Variants in TMEM163 observed in about 807,000 individuals in gnomAD.
TMEM163 encodes transmembrane protein 163.
TMEM163 carries 17 observed loss-of-function variants against 29.3 expected under a neutral mutation model. The ratio of observed to expected loss-of-function variants is 0.58; its 90% CI spans 0.40 to 0.87. TMEM163 has a LOEUF of 0.87. Among genes scored for constraint, TMEM163 ranks in the 40% least tolerant of loss-of-function variants. The probability of loss-of-function intolerance (pLI) is 0.00; values close to 1 mark genes in which losing one functional copy is unlikely to be tolerated. For missense variants in TMEM163, 303 were observed against 381.5 expected (o/e 0.79, Z 1.71); for synonymous variants, 157 against 160.6 (o/e 0.98, Z 0.17).
chr2:134,718,125 G>A (rs1220416133), intron 1 of TMEM163, among the ~76,000 whole-genome samples: 1 of 152,270 alleles, frequency 6.6e-6, no homozygotes, highest in Non-Finnish European at 1.5e-5. Context: ...GCCCCATCAT[G>A]AGACGACGGG....
At chr2:134,528,343 C>T (rs531062660) in intron 4 of TMEM163, among the ~76,000 whole-genome samples, 3 of 152,176 alleles carry the variant, frequency 2.0e-5, no homozygotes, top group Non-Finnish European at 2.9e-5. Context: ...ACATTTTGTT[C>T]AGCTCACCTA....
chr2:134,594,049 G>A (rs1682002368), intron 2 of TMEM163, among the ~76,000 whole-genome samples: 1 of 151,914 alleles, frequency 6.6e-6, no homozygotes, highest in African/African-American at 2.4e-5. Context: ...GAAGAGACAA[G>A]AAACAAAAAG....
intron 2 of TMEM163, among the ~76,000 whole-genome samples, chr2:134,681,200 C>T (rs553548575): frequency 1.3e-5 from 2 of 152,316 alleles, no homozygotes; most frequent in East Asian, 1.9e-4. Context: ...AGCAGTGCAC[C>T]CCACTGCAAA....
chr2:134,659,777 C>G (rs1011807412), intron 2 of TMEM163, among the ~76,000 whole-genome samples: 5 of 152,020 alleles, frequency 3.3e-5, no homozygotes, highest in South Asian at 2.1e-4. Flanking sequence ...AACCCCATCT[C>G]TACGAAAAAT....
intron 2 of TMEM163, among the ~76,000 whole-genome samples, chr2:134,610,507 G>C (rs1343651516): frequency 6.6e-6 from 1 of 152,190 alleles, no homozygotes; most frequent in African/African-American, 2.4e-5. Flanking sequence ...ATTCCCAAGT[G>C]ATGCTGCTGC....
At chr2:134,510,143 A>T (rs1322781139) in intron 4 of TMEM163, among the ~76,000 whole-genome samples, 2 of 152,194 alleles carry the variant, frequency 1.3e-5, no homozygotes, top group South Asian at 4.1e-4. Context: ...ACAGACCAAA[A>T]CCTGTTGTAT....
At chr2:134,538,370 C>A (rs931913373) in intron 4 of TMEM163, among the ~76,000 whole-genome samples, 2 of 152,328 alleles carry the variant, frequency 1.3e-5, no homozygotes, top group African/African-American at 4.8e-5. Flanking sequence ...GAGATATAAA[C>A]GTCTGTTGTT....
chr2:134,595,814 G>C (rs1461994404), intron 2 of TMEM163, among the ~76,000 whole-genome samples: 2 of 152,192 alleles, frequency 1.3e-5, no homozygotes, highest in Non-Finnish European at 2.9e-5. Context: ...CATTCTAACT[G>C]GTGTGAGATA....
At chr2:134,646,575 G>A (rs1683342769) in intron 2 of TMEM163, among the ~76,000 whole-genome samples, 1 of 152,060 alleles carries the variant, frequency 6.6e-6, no homozygotes, top group Non-Finnish European at 1.5e-5. Flanking sequence ...CTCCCACGTA[G>A]CTGGGATTAC....
In TMEM163 at chr2:134,456,517, T is replaced by C. The variant is rs952647857; in HGVS notation, c.*199A>G. 3.2e-6 allele frequency: 2 copies of C among 621,602 alleles called. No individual in the cohort carries two copies. The highest frequency in any genetic ancestry group is 5.1e-5 in the Admixed American group (2 of 38,872). 38.5% of individuals were successfully genotyped at this position (621,602 alleles called of 1,614,324 possible). A position where few individuals can be genotyped will look rare whatever the true frequency, so the allele number is the denominator to read the frequency against. The stretch of plus-strand genomic sequence containing the variant: ...GGAAGGAGGTCCATTCCTATGGGCA[T>C]TGTCCCAACATGTTTGATGGGGGCG... On this transcript the variant is annotated 3_prime_UTR_variant, in exon 8 of 8. Coordinates refer to ENST00000281924, the MANE Select transcript of TMEM163 (RefSeq NM_030923.5).
intron 4 of TMEM163, among the ~76,000 whole-genome samples, chr2:134,506,845 C>G (rs1300686421): frequency 6.6e-6 from 1 of 152,224 alleles, no homozygotes; most frequent in East Asian, 1.9e-4. Context: ...AGGGTAATTG[C>G]TCCATCAGCA....
At chr2:134,598,833 T>C (rs556730635) in intron 2 of TMEM163, among the ~76,000 whole-genome samples, 1 of 151,750 alleles carries the variant, frequency 6.6e-6, no homozygotes, top group Non-Finnish European at 1.5e-5. Flanking sequence ...GGCAGCATAA[T>C]TGCTTGAACC....
At chr2:134,596,978 T>C (rs978379172) in intron 2 of TMEM163, among the ~76,000 whole-genome samples, 5 of 152,244 alleles carry the variant, frequency 3.3e-5, no homozygotes, top group African/African-American at 1.2e-4. Flanking sequence ...CCTGAGACTT[T>C]GCTGAAGTTG....
At chr2:134,714,558 C>A (rs1288638629) in intron 1 of TMEM163, among the ~76,000 whole-genome samples, 1 of 152,170 alleles carries the variant, frequency 6.6e-6, no homozygotes, top group African/African-American at 2.4e-5. Context: ...CATTTATAAC[C>A]CAGAATTGAG....
At chr2:134,673,664 G>A (rs560215267) in intron 2 of TMEM163, among the ~76,000 whole-genome samples, 2 of 152,182 alleles carry the variant, frequency 1.3e-5, no homozygotes, top group South Asian at 4.1e-4. Flanking sequence ...AAGGAGATGT[G>A]ACAATGGAAG....
chr2:134,672,669 G>T (rs1684019137), intron 2 of TMEM163, among the ~76,000 whole-genome samples: 1 of 152,066 alleles, frequency 6.6e-6, no homozygotes, highest in Admixed American at 6.6e-5. Context: ...AAGCCACTGT[G>T]CCTGGCCTTA....
chr2:134,633,895 T>C (rs955065299), intron 2 of TMEM163, among the ~76,000 whole-genome samples: 2 of 147,728 alleles, frequency 1.4e-5, no homozygotes, highest in African/African-American at 5.0e-5. Flanking sequence ...CCAGGAGGTG[T>C]AGGCTGCAGG....
intron 4 of TMEM163, among the ~76,000 whole-genome samples, chr2:134,514,593 C>T (rs1019952873): frequency 6.6e-6 from 1 of 152,114 alleles, no homozygotes; most frequent in Non-Finnish European, 1.5e-5. Context: ...TTCTATGCTA[C>T]GGTACAGAAG....
intron 5 of TMEM163, among the ~76,000 whole-genome samples, chr2:134,483,736 C>T (rs1395071148): frequency 6.6e-6 from 1 of 152,076 alleles, no homozygotes; most frequent in East Asian, 1.9e-4. Flanking sequence ...CTGCCCTTTA[C>T]ACCCAAAAAG....
Sources: gnomAD v4.1 joint callset for allele counts (sites outside exome capture counted in the v4.1 genomes callset) on GRCh38, gnomAD v4.1.1 for gene constraint, MANE v1.5 for transcripts, NCBI Gene and HGNC (gene_info 2026-07-23, HGNC 2026-07-21) for gene names.